The following GIGYF1 variants were observed in gnomAD, a reference collection of about 807,000 sequenced individuals.
GIGYF1 encodes GRB10 interacting GYF protein 1, also known as GRB10-interacting GYF protein 1.
Under a neutral mutation model 147.1 loss-of-function variants are expected in GIGYF1, and 84 were observed. The ratio of observed to expected loss-of-function variants is 0.57; its 90% CI spans 0.48 to 0.68. The LOEUF is 0.68. Among genes scored for constraint, GIGYF1 ranks in the 30% least tolerant of loss-of-function variants. The pLI is 0.00. For missense variants in GIGYF1, 1,485 were observed against 1,393.7 expected (o/e 1.07, Z -1.04); for synonymous variants, 752 against 589.5 (o/e 1.28, Z -3.99).
chr7:100,686,873 C>A, intron 9 of GIGYF1, 54 bp from the exon 10 acceptor site: 1 of 1,523,066 alleles, frequency 6.6e-7, no homozygotes, highest in Admixed American at 2.0e-5. Context: ...GGTGCCTGGA[C>A]CCTCAAGAAA....
intron 24 of GIGYF1, 23 bp from the exon 25 acceptor site, chr7:100,682,258 C>T (rs1330380253): frequency 4.4e-6 from 7 of 1,608,616 alleles, no homozygotes; most frequent in Non-Finnish European, 5.9e-6. Flanking sequence ...CGAAGGCTGT[C>T]AGGGCCCCCT....
Position 100,686,916 on chromosome 7 carries a change from C to T in GIGYF1, c.523+90G>A, listed in dbSNP as rs1239528088. 4.4e-6 allele frequency: 7 copies of T among 1,604,148 alleles called. No homozygotes were observed. The Admixed American group carries it at 1.0e-4, about 23-fold the overall frequency. On this transcript the variant is annotated intron_variant, in intron 9 of 26. Coordinates refer to ENST00000678049, the MANE Select transcript of GIGYF1 (RefSeq NM_001375765.1). ...GGGGCCAGCTCCAGGCCCTCCTGCC[C>T]CCAACACCTCCGAAATAAGCACCCC...
chr7:100,688,134 A>T, intron 4 of GIGYF1, 24 bp from the exon 5 acceptor site: 2 of 1,605,900 alleles, frequency 1.2e-6, no homozygotes, highest in Non-Finnish European at 1.7e-6. Context: ...AGAGAGAAGA[A>T]GACAGAGGTC....
At position 100,687,529 on chromosome 7, in the gene GIGYF1, C is replaced by A. The variant is rs1457014636; in HGVS notation, c.349G>T (p.Gly117Cys). 8 of 1,612,308 alleles carry A rather than the reference C, an allele frequency of 5.0e-6. No individual in the cohort carries two copies. Among genetic ancestry groups the A allele is most frequent in the Non-Finnish European group, 6.8e-6 (8 of 1,179,718 alleles). Residue 117 changes from glycine (G) to cysteine (C), a missense_variant, in exon 7 of 27, where the codon GGC becomes TGC. Coordinates refer to ENST00000678049, the MANE Select transcript of GIGYF1 (RefSeq NM_001375765.1). ...CCTCGGCTCCGCGTGCTGCCCCTGC[C>A]TCGGGAGGTGCCAGCCAGGGGGGGG... ...AGPPLAGTSR[G>C]RGSTRSRGRG...
In GIGYF1 at chr7:100,686,093, G is replaced by C. The variant is rs1805306466; in HGVS notation, c.949-14C>G. 6.2e-7 allele frequency: 1 copy of C among 1,611,790 alleles called. No individual in the cohort carries two copies. Among genetic ancestry groups the C allele is most frequent in the South Asian group, 1.1e-5 (1 of 90,996 alleles). On this transcript the variant is annotated splice_polypyrimidine_tract_variant and intron_variant, in intron 11 of 26. Transcript: ENST00000678049. ...CTTGGGGCCCTTCTGCATGGGGCCG[G>C]GGTGGGGAGCAGAGAACAGCTGGGG... is the stretch of plus-strand genomic sequence containing the variant.
In GIGYF1 at chr7:100,683,831, G is replaced by A. The variant is rs1433206118; in HGVS notation, c.1956C>T (p.Ala652=). 6.4e-7 allele frequency: 1 copy of A among 1,573,856 alleles called. No homozygotes were observed. The highest frequency in any genetic ancestry group is 8.6e-7 in the Non-Finnish European group (1 of 1,158,962). Residue 652 remains alanine (A), a synonymous_variant, in exon 19 of 27, where the codon GCC becomes GCT. Coordinates refer to ENST00000678049, the MANE Select transcript of GIGYF1 (RefSeq NM_001375765.1). ...SGRLWDVHTS[A]SSQSGGEASL... is the part of the protein sequence containing the mutation. ...CAGGCCACACACCTGACTGTGATGAGGCTGAGGTATGTACGTCCCAGAGGC... is the reference window on the plus strand; with the variant it reads ...CAGGCCACACACCTGACTGTGATGAAGCTGAGGTATGTACGTCCCAGAGGC...
Position 100,686,765 on chromosome 7 carries a change from G to GAGCTCAGAC in GIGYF1, c.577_578insGTCTGAGCT (p.Arg192_Ser193insCysLeuSer). Reference sequence around the variant, plus strand: ...TAGGGAGCGCCAGTTCTCGCTGTCTGAGCGGGCGTGCTCCTTCCTTGGGCC... The same window carrying GAGCTCAGAC: ...TAGGGAGCGCCAGTTCTCGCTGTCTGAGCTCAGACAGCGGGCGTGCTCCTTCCTTGGGCC... On this transcript the variant is annotated inframe_insertion, in exon 10 of 27. Transcript: ENST00000678049. The GAGCTCAGAC allele has an allele frequency of 6.2e-7, 1 of 1,614,054 alleles. No individual in the cohort carries two copies. Among genetic ancestry groups the GAGCTCAGAC allele is most frequent in the Non-Finnish European group, 8.5e-7 (1 of 1,180,018 alleles).
chr7:100,687,480 C>T, intron 7 of GIGYF1, 25 bp downstream of exon 7: 1 of 1,606,436 alleles, frequency 6.2e-7, no homozygotes, highest in Non-Finnish European at 8.5e-7. Flanking sequence ...CTGCCCGTCC[C>T]CAGGACACGC....
In GIGYF1 at chr7:100,686,305, G is replaced by A. The variant is rs746388642; in HGVS notation, c.823C>T (p.Leu275=). ...CCTTCAGGCGCTCGGCACCGCCGCA[G>A]GTGAGAGCTGCCTCCCCCTCCCCGC... ...EGRGGGGSSH[L]RRCRAPEGFE... is the part of the protein sequence containing the mutation. Residue 275 remains leucine, a synonymous_variant, in exon 11 of 27, where the codon CTG becomes TTG. Transcript: ENST00000678049. 14 of 1,613,982 alleles carry A rather than the reference G, an allele frequency of 8.7e-6. No individual in the cohort carries two copies. The highest frequency in any genetic ancestry group is 1.2e-5 in the Non-Finnish European group (14 of 1,179,992).
intron 3 of GIGYF1, 46 bp from the exon 4 acceptor site, chr7:100,688,353 T>A: frequency 1.1e-6 from 1 of 885,944 alleles, no homozygotes; most frequent in Non-Finnish European, 1.8e-6. Context: ...GAAGGAGAAC[T>A]TTAAAGCGCA....
At position 100,684,327 on chromosome 7, in the gene GIGYF1, T is replaced by C; in HGVS notation, c.1640A>G (p.Asp547Gly). 1 of 1,597,004 alleles carries C rather than the reference T, an allele frequency of 6.3e-7. No homozygotes were observed. The highest frequency in any genetic ancestry group is 8.5e-7 in the Non-Finnish European group (1 of 1,172,834). The change falls in exon 17 of 27, where the codon GAC becomes GGC. Residue 547 changes from aspartate to glycine, a missense_variant. Physicochemically the swap from Asp to Gly is moderately conservative, Grantham distance 94. Transcript: ENST00000678049. ...PSPPPLLGNM[D>G]QERLKKQQEL... ...CTGTTGCTTCTTCAGCCGCTCCTGG[T>C]CCATGTTTCCCTGCTCAGGTGAGAG...
Position 100,684,581 on chromosome 7 carries a change from G to C in GIGYF1, c.1498C>G (p.Gln500Glu), listed in dbSNP as rs1480470942. The change falls in exon 16 of 27, where the codon CAG (glutamine) becomes GAG (glutamate). Residue 500 changes from glutamine to glutamate, a missense_variant. Gln to Glu is a conservative substitution (Grantham distance 29). Coordinates refer to ENST00000678049, the MANE Select transcript of GIGYF1 (RefSeq NM_001375765.1). Reference protein sequence around the residue: ...FTTQEMAEWFQAGYFSMSLLV... With the variant: ...FTTQEMAEWFEAGYFSMSLLV... ...AGTGACATGGAAAAGTAGCCGGCCT[G>C]GAACCACTCTGCCATCTCCTGTGTC... The C allele has an allele frequency of 1.2e-6, 2 of 1,614,068 alleles. No individual in the cohort carries two copies. Among genetic ancestry groups the C allele is most frequent in the Non-Finnish European group, 1.7e-6 (2 of 1,180,034 alleles).
chr7:100,687,435 A>C, intron 7 of GIGYF1, 29 bp from the exon 8 acceptor site: 1 of 1,609,884 alleles, frequency 6.2e-7, no homozygotes, highest in East Asian at 2.2e-5. Context: ...GCACAATGAA[A>C]CCTGCTGCAC....
Position 100,688,235 on chromosome 7 carries a change from C to T in GIGYF1, c.4G>A (p.Ala2Thr). ...GGCCCAAAGTTGAGTGTCTCTGCTG[C>T]CATCGTGGGGCTGGGCGTGTTTGAG... M[A>T]AETLNFGPEW... The change falls in exon 4 of 27, where the codon GCA becomes ACA. Residue 2 changes from alanine (A) to threonine (T), a missense_variant. Coordinates refer to ENST00000678049, the MANE Select transcript of GIGYF1 (RefSeq NM_001375765.1). 1 of 1,611,942 alleles carries T rather than the reference C, an allele frequency of 6.2e-7. No homozygotes were observed.
chr7:100,687,321 C>A lies in GIGYF1; in HGVS notation c.459G>T (p.Gln153His), dbSNP rs375287310. The change falls in exon 8 of 27, where the codon CAG (glutamine) becomes CAT (histidine). Residue 153 changes from glutamine (Q) to histidine (H), a missense_variant. Physicochemically the swap from Gln to His is conservative, Grantham distance 24. Coordinates refer to ENST00000678049, the MANE Select transcript of GIGYF1 (RefSeq NM_001375765.1). ...ACCTGTCATCCCAGCTCTGGCTGCG[C>A]TGGATTTCCCGGGGGCTTCGTCCAA... Reference protein sequence around the residue: ...GAFGRSPREIQRSQSWDDRGE... With the variant: ...GAFGRSPREIHRSQSWDDRGE... 1.5e-5 allele frequency: 24 copies of A among 1,613,154 alleles called. No homozygotes were observed. The highest frequency in any genetic ancestry group is 1.9e-5 in the Non-Finnish European group (23 of 1,179,954).
In GIGYF1 at chr7:100,688,480, T is replaced by G. The variant is rs1485016340; in HGVS notation, c.-99A>C. On this transcript the variant is annotated 5_prime_UTR_variant, in exon 3 of 27. The change abolishes an upstream ATG in the 5' untranslated region. Coordinates refer to ENST00000678049, the MANE Select transcript of GIGYF1 (RefSeq NM_001375765.1). ...GCCAGCCACGTGGCCACTCACACCA[T>G]GAGTTACCCAGAGATGAGTCCAGAC... The G allele has an allele frequency of 2.9e-6, 2 of 691,546 alleles. No homozygotes were observed. The highest frequency in any genetic ancestry group is 5.3e-6 in the Non-Finnish European group (2 of 378,386). 42.8% of individuals were successfully genotyped at this position (691,546 alleles called of 1,614,324 possible).
chr7:100,692,537 A>C (rs1562889130), intron 1 of GIGYF1, among the ~76,000 whole-genome samples: 2 of 152,222 alleles, frequency 1.3e-5, no homozygotes, highest in African/African-American at 4.8e-5. Context: ...AACATCCTTC[A>C]TCTAGCCTCC....
chr7:100,682,928 T>C lies in GIGYF1; in HGVS notation c.2412+84A>G, dbSNP rs945472298. On this transcript the variant is annotated intron_variant, in intron 22 of 26. Transcript: ENST00000678049. ...GAGAGGCTGGGACTGGGGCTGGGGC[T>C]GCACAAGTCTGGGTTCAGTATCCCC... 6 of 1,301,202 alleles carry C rather than the reference T, an allele frequency of 4.6e-6. No homozygotes were observed. In the African/African-American group the frequency reaches 8.9e-5, roughly 19 times the overall value. 80.6% of individuals were successfully genotyped at this position (1,301,202 alleles called of 1,614,324 possible). A position where few individuals can be genotyped will look rare whatever the true frequency, so the allele number is the denominator to read the frequency against.
Position 100,682,364 on chromosome 7 carries a change from C to A in GIGYF1, c.2719G>T (p.Glu907Ter). The part of the protein sequence containing the change: ...RPQDGFTQWC[E>*]QMLHTLSATG... ...GCGCTCAGCGTGTGCAGCATCTGCT[C>A]GCACCACTGGGTGAAGCCGTCCTGG... Residue 907 changes from glutamate to a stop codon, truncating the protein, a stop_gained, in exon 24 of 27, where the codon GAG (glutamate) becomes TAG (stop). Transcript: ENST00000678049. LOFTEE classifies it high-confidence loss of function. 6.2e-7 allele frequency: 1 copy of A among 1,613,514 alleles called. No homozygotes were observed. Among genetic ancestry groups the A allele is most frequent in the Non-Finnish European group, 8.5e-7 (1 of 1,179,960 alleles).
Sources: gnomAD v4.1 joint callset for allele counts (sites outside exome capture counted in the v4.1 genomes callset) on GRCh38, gnomAD v4.1.1 for gene constraint, MANE v1.5 for transcripts, NCBI Gene and HGNC (gene_info 2026-07-23, HGNC 2026-07-21) for gene names.